LIMA1: variants seen among roughly 807,000 people sequenced by gnomAD.
LIMA1 encodes LIM domain and actin-binding protein 1.
In LIMA1, 52 loss-of-function variants were observed where a neutral mutation model predicts 62.6. The ratio of observed to expected loss-of-function variants is 0.83; its 90% CI spans 0.67 to 1.05. The LOEUF (loss-of-function observed/expected upper bound fraction) is 1.05, where lower values mean the gene tolerates loss of function less well. Among genes scored for constraint, LIMA1 ranks in the 50% least tolerant of loss-of-function variants. The pLI is 0.00. For synonymous variants in LIMA1, 302 were observed against 317.8 expected, an observed-to-expected ratio of 0.95 and a Z score of 0.53; for missense variants, 780 against 902.2, an observed-to-expected ratio of 0.86 and a Z score of 1.74.
intron 2 of LIMA1, among the ~76,000 whole-genome samples, chr12:50,237,904 T>C (rs1257907254): frequency 6.6e-6 from 1 of 152,064 alleles, no homozygotes; most frequent in Non-Finnish European, 1.5e-5. Flanking sequence ...AAAAATGAAA[T>C]TGGACTACCA....
At chr12:50,282,965 G>T (rs574759735) in intron 1 of LIMA1, among the ~76,000 whole-genome samples, 1 of 152,224 alleles carries the variant, frequency 6.6e-6, no homozygotes, top group African/African-American at 2.4e-5. Context: ...TCAAAAGGGT[G>T]TAAGTGTCTT....
chr12:50,269,416 G>A (rs1408631876), intron 1 of LIMA1, among the ~76,000 whole-genome samples: 2 of 152,144 alleles, frequency 1.3e-5, no homozygotes, highest in African/African-American at 2.4e-5. Flanking sequence ...TCTGCAGCAC[G>A]GAAAATAAAC....
At position 50,177,744 on chromosome 12, in the gene LIMA1, G is replaced by A; in HGVS notation, c.1600C>T (p.Pro534Ser). 2 of 1,614,056 alleles carry A rather than the reference G, an allele frequency of 1.2e-6. No homozygotes were observed. The highest frequency in any genetic ancestry group is 1.7e-6 in the Non-Finnish European group (2 of 1,180,006). The change falls in exon 11 of 11, where the codon CCC becomes TCC. Residue 534 changes from proline (P) to serine (S), a missense_variant. Pro to Ser is a moderately conservative substitution (Grantham distance 74). Transcript: ENST00000341247. ...CCTGAACTTCCAAGTTCAGTGGGGG[G>A]TGGCCAGGCGATCCTCAGCTTCTTG... Reference protein sequence around the residue: ...ETKKLRIAWPPPTELGSSGSA... With the variant: ...ETKKLRIAWPSPTELGSSGSA...
chr12:50,207,884 T>C (rs1941182095), intron 4 of LIMA1, among the ~76,000 whole-genome samples: 1 of 132,954 alleles, frequency 7.5e-6, no homozygotes, highest in Admixed American at 7.8e-5. Flanking sequence ...AGTGAGACCC[T>C]GTCTCAAAAA....
At chr12:50,226,699 C>T (rs867891725) in intron 3 of LIMA1, among the ~76,000 whole-genome samples, 3 of 152,052 alleles carry the variant, frequency 2.0e-5, no homozygotes, top group African/African-American at 4.8e-5. Flanking sequence ...ATTAGGTGGG[C>T]GTGGTGGCGT....
At chr12:50,230,308 T>C (rs987725877) in intron 3 of LIMA1, among the ~76,000 whole-genome samples, 1 of 152,178 alleles carries the variant, frequency 6.6e-6, no homozygotes, top group African/African-American at 2.4e-5. Context: ...AGTGCTGGGA[T>C]TATAGGCGTG....
intron 1 of LIMA1, chr12:50,249,973 AC>A (rs771798535): frequency 6.6e-6 from 1 of 152,076 alleles, no homozygotes; most frequent in South Asian, 2.1e-4. Context: ...AAATCCAGCA[AC>A]TCAAGCTGCC....
chr12:50,181,893 G>T lies in LIMA1; in HGVS notation c.1274+11C>A, dbSNP rs753786661. 1.2e-6 allele frequency: 2 copies of T among 1,613,984 alleles called. No homozygotes were observed. Among genetic ancestry groups the T allele is most frequent in the South Asian group, 2.2e-5 (2 of 91,066 alleles). On this transcript the variant is annotated intron_variant, in intron 10 of 10. Transcript: ENST00000341247. ...AGTTATAGACAGATGGCTTGTTTTG[G>T]GCTGACTTACCTGAGTTTGTTGTTG...
intron 1 of LIMA1, among the ~76,000 whole-genome samples, chr12:50,282,842 A>AT (rs993179177): frequency 2.0e-5 from 3 of 152,190 alleles, no homozygotes; most frequent in African/African-American, 7.2e-5. Flanking sequence ...GGGGTGTACA[A>AT]TTACCTTACA....
intron 3 of LIMA1, among the ~76,000 whole-genome samples, chr12:50,227,232 CTTTTCTTTTTT>C (rs1941543684): frequency 2.7e-5 from 3 of 111,922 alleles, no homozygotes; most frequent in Non-Finnish European, 3.6e-5. Flanking sequence ...TTTCTTTTTT[CTTTTCTTTTTT>C]TTTTTTTTTT....
chr12:50,222,323 T>TCCAGAAGCAGCG lies in LIMA1; in HGVS notation c.327_328insCGCTGCTTCTGG (p.Thr109_Ser110insArgCysPheTrp). The TCCAGAAGCAGCG allele has an allele frequency of 6.2e-7, 1 of 1,614,194 alleles. No individual in the cohort carries two copies. The highest frequency in any genetic ancestry group is 8.5e-7 in the Non-Finnish European group (1 of 1,180,036). The stretch of plus-strand genomic sequence containing the variant: ...GCTTTGGCTCCAGAAGCAGCGTGGC[T>TCCAGAAGCAGCG]TGTCACTTCAGCAGGAGGATGGTCT... On this transcript the variant is annotated inframe_insertion, in exon 4 of 11. Transcript: ENST00000341247.
chr12:50,258,396 A>C (rs1336477057), intron 1 of LIMA1, among the ~76,000 whole-genome samples: 2 of 152,046 alleles, frequency 1.3e-5, no homozygotes, highest in Non-Finnish European at 2.9e-5. Context: ...TCCTGAGCAC[A>C]AATGATCCTC....
At chr12:50,211,331 CAAAAAAA>C (rs34045758) in intron 4 of LIMA1, among the ~76,000 whole-genome samples, 1 of 83,238 alleles carries the variant, frequency 1.2e-5, no homozygotes, top group South Asian at 3.7e-4. Flanking sequence ...CCCACCCCCC[CAAAAAAA>C]AAAAAAAAAA....
At chr12:50,192,411 A>G (rs1291838814) in intron 9 of LIMA1, 41 bp downstream of exon 9, 1 of 1,297,702 alleles carries the variant, frequency 7.7e-7, no homozygotes, top group Non-Finnish European at 1.1e-6. Flanking sequence ...CTCTACCAGT[A>G]GACCAATGTC....
At chr12:50,273,997 ACACCT>A (rs1942245593) in intron 1 of LIMA1, among the ~76,000 whole-genome samples, 1 of 152,182 alleles carries the variant, frequency 6.6e-6, no homozygotes, top group African/African-American at 2.4e-5. Context: ...GATCCTGGAA[ACACCT>A]TAGAAAACTT....
intron 2 of LIMA1, among the ~76,000 whole-genome samples, chr12:50,247,928 C>T (rs1000976887): frequency 1.1e-4 from 17 of 152,100 alleles, no homozygotes; most frequent in African/African-American, 2.9e-4. Flanking sequence ...CGCGCCTGAC[C>T]GGATGTGTTC....
chr12:50,214,044 A>ACACACACACACACACACACACG (rs796917407), intron 4 of LIMA1, among the ~76,000 whole-genome samples: 1 of 150,866 alleles, frequency 6.6e-6, no homozygotes, highest in African/African-American at 2.4e-5. Flanking sequence ...ACACACACAC[A>ACACACACACACACACACACACG]CACACACGAG....
At chr12:50,201,150 A>G in intron 6 of LIMA1, 5 of 1,185,998 alleles carry the variant, frequency 4.2e-6, no homozygotes, top group Non-Finnish European at 5.2e-6. Flanking sequence ...CAACACAGGC[A>G]CACAGAACAC....
chr12:50,230,723 C>T (rs1349176087), intron 3 of LIMA1, among the ~76,000 whole-genome samples: 2 of 151,950 alleles, frequency 1.3e-5, no homozygotes, highest in African/African-American at 4.8e-5. Context: ...ACTACAGGCG[C>T]CCGCCACCAC....
Sources: gnomAD v4.1 joint callset for allele counts (sites outside exome capture counted in the v4.1 genomes callset) on GRCh38, gnomAD v4.1.1 for gene constraint, MANE v1.5 for transcripts, NCBI Gene and HGNC (gene_info 2026-07-23, HGNC 2026-07-21) for gene names.